Variants in CMTM6 observed in about 807,000 individuals in gnomAD.
CMTM6 encodes the protein CKLF-like MARVEL transmembrane domain-containing protein 6.
CMTM6 carries 5 observed loss-of-function variants against 13.6 expected under a neutral mutation model. That is an observed-to-expected ratio of 0.37 (90% confidence interval 0.19 to 0.77). The LOEUF (loss-of-function observed/expected upper bound fraction) is 0.77. Ranked by LOEUF, CMTM6 falls within the 30% of genes least tolerant of loss-of-function variation. The probability of loss-of-function intolerance (pLI) is 0.50; values close to 1 mark genes in which losing one functional copy is unlikely to be tolerated. For missense variants in CMTM6, 196 were observed against 218.6 expected (o/e 0.90, Z 0.65); for synonymous variants, 99 against 84.5 (o/e 1.17, Z -0.94).
At chr3:32,488,287 A>C in intron 2 of CMTM6, 19 of 247,210 alleles carry the variant, frequency 7.7e-5, no homozygotes, top group East Asian at 2.3e-4. Context: ...AATAACAACA[A>C]TCCCCTATGC....
chr3:32,502,713 C>A lies in CMTM6; in HGVS notation c.33G>T (p.Thr11=). 2 of 1,577,908 alleles carry A rather than the reference C, an allele frequency of 1.3e-6. No individual in the cohort carries two copies. Among genetic ancestry groups the A allele is most frequent in the Non-Finnish European group, 1.7e-6 (2 of 1,165,448 alleles). MENGAVYSPT[T]EEDPGPARGP... The stretch of plus-strand genomic sequence containing the variant: ...CTCTGGCGGGGCCCGGGTCCTCCTC[C>A]GTAGTGGGGCTGTACACCGCTCCGT... The change falls in exon 1 of 4, where the codon ACG becomes ACT. Residue 11 remains threonine (T), a synonymous_variant. Coordinates refer to ENST00000205636, the MANE Select transcript of CMTM6 (RefSeq NM_017801.3).
At chr3:32,491,596 G>A in intron 2 of CMTM6, 114 bp downstream of exon 2, 1 of 911,966 alleles carries the variant, frequency 1.1e-6, no homozygotes, top group South Asian at 2.3e-5. Flanking sequence ...TTGGAACAAG[G>A]GATACTGTCT....
intron 1 of CMTM6, among the ~76,000 whole-genome samples, chr3:32,492,469 T>A (rs1282493226): frequency 1.3e-5 from 2 of 152,198 alleles, no homozygotes; most frequent in Non-Finnish European, 2.9e-5. Flanking sequence ...GATCTAAATG[T>A]CCTCGTTAAT....
At position 32,487,976 on chromosome 3, in the gene CMTM6, A is replaced by C; in HGVS notation, c.376T>G (p.Ser126Ala). The C allele has an allele frequency of 1.2e-6, 2 of 1,613,986 alleles. No homozygotes were observed. The highest frequency in any genetic ancestry group is 2.2e-5 in the South Asian group (2 of 91,058). ...TCAGCTGAAGTCCTGTCATGTGTGG[A>C]AACAAAAATGATGGATGCCAACAAA... ...VFLLASIIFV[S>A]THDRTSAEIA... Residue 126 changes from serine to alanine, a missense_variant, in exon 3 of 4, where the codon TCC (serine) becomes GCC (alanine). Ser to Ala is a moderately conservative substitution (Grantham distance 99). Coordinates refer to ENST00000205636, the MANE Select transcript of CMTM6 (RefSeq NM_017801.3).
chr3:32,488,985 C>T (rs1697228105), intron 2 of CMTM6, among the ~76,000 whole-genome samples: 1 of 152,142 alleles, frequency 6.6e-6, no homozygotes, highest in Admixed American at 6.5e-5. Context: ...ATCAATAAAA[C>T]TGGCCAGGCA....
intron 3 of CMTM6, among the ~76,000 whole-genome samples, chr3:32,485,804 T>A (rs1179712344): frequency 6.6e-6 from 1 of 152,230 alleles, no homozygotes; most frequent in African/African-American, 2.4e-5. Flanking sequence ...TTCTCTGAAC[T>A]CCTTTTGAGT....
intron 1 of CMTM6, among the ~76,000 whole-genome samples, chr3:32,495,942 G>A (rs1370161514): frequency 6.6e-6 from 1 of 152,184 alleles, no homozygotes; most frequent in African/African-American, 2.4e-5. Context: ...TGTAATCCCA[G>A]CACTCTGGGA....
At chr3:32,500,282 G>C (rs1697333556) in intron 1 of CMTM6, among the ~76,000 whole-genome samples, 1 of 152,304 alleles carries the variant, frequency 6.6e-6, no homozygotes, top group Admixed American at 6.5e-5. Flanking sequence ...AAGAATTTGA[G>C]TTAAGGCAAA....
chr3:32,491,773 AAGG>A lies in CMTM6; in HGVS notation c.249_251del (p.Leu84del). 1 of 1,614,026 alleles carries A rather than the reference AAGG, an allele frequency of 6.2e-7. No individual in the cohort carries two copies. Among genetic ancestry groups the A allele is most frequent in the Non-Finnish European group, 8.5e-7 (1 of 1,179,926 alleles). On this transcript the variant is annotated inframe_deletion, in exon 2 of 4. Transcript: ENST00000205636. ...ATGGAGTGCAATACACAATCAGTAT[AAGG>A]AGACTCAGAAGAAAGGCACTGCAGC...
At chr3:32,486,798 C>T (rs149268602) in intron 3 of CMTM6, among the ~76,000 whole-genome samples, 260 of 152,276 alleles carry the variant, frequency 1.7e-3, no homozygotes, top group African/African-American at 5.9e-3. Context: ...ATGGGGCAGA[C>T]TCCCCCTCTG....
intron 1 of CMTM6, among the ~76,000 whole-genome samples, chr3:32,498,374 ATGTT>A (rs1417316058): frequency 1.3e-5 from 2 of 152,166 alleles, no homozygotes; most frequent in African/African-American, 4.8e-5. Flanking sequence ...ACGAGTATGT[ATGTT>A]TGTGTAGGTC....
intron 1 of CMTM6, among the ~76,000 whole-genome samples, chr3:32,494,596 G>GT (rs150669067): frequency 0.089 from 13,596 of 152,126 alleles, 656 homozygotes; most frequent in Middle Eastern, 0.15. Flanking sequence ...TTTATTCATA[G>GT]TAGCCCCAAA....
intron 1 of CMTM6, among the ~76,000 whole-genome samples, chr3:32,497,149 C>T (rs988924528): frequency 5.9e-5 from 9 of 151,710 alleles, no homozygotes; most frequent in Non-Finnish European, 1.2e-4. Flanking sequence ...TCTGGGAGGC[C>T]GAGGTGGGCG....
At chr3:32,497,339 C>T (rs1379568863) in intron 1 of CMTM6, among the ~76,000 whole-genome samples, 9 of 144,222 alleles carry the variant, frequency 6.2e-5, no homozygotes, top group Admixed American at 5.6e-4. Context: ...GAGCCGAGAT[C>T]GCACCACTGC....
chr3:32,497,373 ACT>A (rs368972426), intron 1 of CMTM6, among the ~76,000 whole-genome samples: 11,231 of 132,396 alleles, frequency 0.085, 513 homozygotes, highest in Middle Eastern at 0.14. Flanking sequence ...CAACAGCGAG[ACT>A]CTGTCTCAAA....
At chr3:32,499,859 T>G (rs1697330107) in intron 1 of CMTM6, among the ~76,000 whole-genome samples, 1 of 150,344 alleles carries the variant, frequency 6.7e-6, no homozygotes, top group African/African-American at 2.5e-5. Context: ...AATATTCAAT[T>G]CAGTTCTGTA....
intron 2 of CMTM6, among the ~76,000 whole-genome samples, chr3:32,489,651 T>C (rs977860742): frequency 1.3e-5 from 2 of 148,774 alleles, no homozygotes; most frequent in African/African-American, 5.0e-5. Flanking sequence ...AAACTCTGTC[T>C]CAAAAAAGAA....
Position 32,488,050 on chromosome 3 carries a change from C to T in CMTM6, c.316-14G>A. 1.3e-6 allele frequency: 2 copies of T among 1,526,444 alleles called. No individual in the cohort carries two copies. The highest frequency in any genetic ancestry group is 1.8e-6 in the Non-Finnish European group (2 of 1,103,960). The allele number at this position is 1,526,444 out of a possible 1,614,324, so 94.6% of individuals were successfully genotyped here. ...AATATAAAAATCCTATGCATACATA[C>T]AAAACACAAAAGGAATACAATACAG... On this transcript the variant is annotated splice_polypyrimidine_tract_variant and intron_variant, in intron 2 of 3. Coordinates refer to ENST00000205636, the MANE Select transcript of CMTM6 (RefSeq NM_017801.3).
In CMTM6 at chr3:32,483,249, C is replaced by T. The variant is rs937369329; in HGVS notation, c.*711G>A. 2 of 152,404 alleles carry T rather than the reference C, an allele frequency of 1.3e-5. No homozygotes were observed. The highest frequency in any genetic ancestry group is 4.8e-5 in the African/African-American group (2 of 41,354). The allele number at this position is 152,404 out of a possible 1,614,324, so 9.4% of individuals were successfully genotyped here. ...GTGTTACAAAACAATCTTTTTTTTACTTGACATCAACAACCAAGGTGCAGT... is the reference window on the plus strand; with the variant it reads ...GTGTTACAAAACAATCTTTTTTTTATTTGACATCAACAACCAAGGTGCAGT... On this transcript the variant is annotated 3_prime_UTR_variant, in exon 4 of 4. Coordinates refer to ENST00000205636, the MANE Select transcript of CMTM6 (RefSeq NM_017801.3).
Sources: gnomAD v4.1 joint callset for allele counts (sites outside exome capture counted in the v4.1 genomes callset) on GRCh38, gnomAD v4.1.1 for gene constraint, MANE v1.5 for transcripts, NCBI Gene and HGNC (gene_info 2026-07-23, HGNC 2026-07-21) for gene names.